The following CTNNA2 variants were observed in gnomAD, a reference collection of about 807,000 sequenced individuals.
CTNNA2 encodes catenin alpha 2.
Under a neutral mutation model 101.0 loss-of-function variants are expected in CTNNA2, and 42 were observed. The observed-to-expected ratio is 0.42, with a 90% CI of 0.32 to 0.54. The LOEUF is 0.54. Ranked by LOEUF, CTNNA2 falls within the 20% of genes least tolerant of loss-of-function variation. CTNNA2 has a pLI of 0.14. For synonymous variants in CTNNA2, 450 were observed against 456.4 expected, an observed-to-expected ratio of 0.99 and a Z score of 0.18; for missense variants, 871 against 1,223.1, an observed-to-expected ratio of 0.71 and a Z score of 4.29.
chr2:79,341,093 G>A (rs945092151), intron 3 of CTNNA2, among the ~76,000 whole-genome samples: 4 of 151,568 alleles, frequency 2.6e-5, no homozygotes, highest in East Asian at 1.9e-4. Context: ...TAATTCCATC[G>A]TATAGATGAG....
At chr2:79,796,547 G>A (rs1675717446) in intron 3 of CTNNA2, among the ~76,000 whole-genome samples, 1 of 152,088 alleles carries the variant, frequency 6.6e-6, no homozygotes, top group South Asian at 2.1e-4. Flanking sequence ...GACCACAAGC[G>A]GGGCATACAA....
intron 4 of CTNNA2, among the ~76,000 whole-genome samples, chr2:79,494,994 T>C (rs2104568135): frequency 6.6e-6 from 1 of 152,068 alleles, no homozygotes; most frequent in Non-Finnish European, 1.5e-5. Flanking sequence ...TCCCAGCTAC[T>C]TAGGAGGCTG....
intron 3 of CTNNA2, among the ~76,000 whole-genome samples, chr2:79,856,083 A>G (rs565159379): frequency 6.6e-6 from 1 of 152,358 alleles, no homozygotes; most frequent in Admixed American, 6.5e-5. Context: ...TTGTGCCACT[A>G]GAGTAGTGAA....
At chr2:79,422,650 C>T (rs1311987181) in intron 4 of CTNNA2, among the ~76,000 whole-genome samples, 1 of 152,124 alleles carries the variant, frequency 6.6e-6, no homozygotes, top group Non-Finnish European at 1.5e-5. Flanking sequence ...TGGAAATCAG[C>T]GCTTCTCAGA....
intron 7 of CTNNA2, among the ~76,000 whole-genome samples, chr2:80,094,189 A>G (rs377512429): frequency 9.2e-5 from 14 of 151,964 alleles, no homozygotes; most frequent in African/African-American, 2.7e-4. Context: ...TGTATAAGGT[A>G]TAAGGAAGGG....
intron 2 of CTNNA2, among the ~76,000 whole-genome samples, chr2:79,250,176 C>T (rs1199052510): frequency 6.6e-6 from 1 of 152,184 alleles, no homozygotes; most frequent in Non-Finnish European, 1.5e-5. Flanking sequence ...AGGTATGCTT[C>T]CACCCTGAGC....
intron 17 of CTNNA2, chr2:80,616,652 C>T (rs1347037792): frequency 1.3e-5 from 2 of 150,988 alleles, no homozygotes; most frequent in African/African-American, 4.9e-5. Flanking sequence ...TCTTAAAGGG[C>T]TACTTACCCA....
In CTNNA2 at chr2:80,146,710, GTTTTTTTTTTTTTTTTTT is replaced by G. The variant is rs34019123; in HGVS notation, c.1056+236928_1056+236945del. ...TTTCTGAAGTAGGAAGTCCCCTCTG[GTTTTTTTTTTTTTTTTTT>G]TTTTTTTTTTTTTTGAGACAGAGTC... On this transcript the variant is annotated intron_variant, in intron 7 of 18. Transcript: ENST00000402739. Among the ~76,000 whole-genome samples, 551 of 61,790 alleles carry G rather than the reference GTTTTTTTTTTTTTTTTTT, an allele frequency of 8.9e-3. 3 individuals are homozygous for G. The highest frequency in any genetic ancestry group is 0.028 in the African/African-American group (499 of 17,812). 40.5% of individuals were successfully genotyped at this position (61,790 alleles called of 152,430 possible).
At chr2:80,261,612 A>G (rs1255091400) in intron 7 of CTNNA2, among the ~76,000 whole-genome samples, 1 of 152,162 alleles carries the variant, frequency 6.6e-6, no homozygotes, top group Non-Finnish European at 1.5e-5. Context: ...TTCACTACCA[A>G]TATGGTCTGA....
intron 3 of CTNNA2, among the ~76,000 whole-genome samples, chr2:79,814,636 CACAT>C (rs950359500): frequency 2.5e-5 from 3 of 120,888 alleles, no homozygotes. Context: ...CACACACACA[CACAT>C]ATATATATAT....
chr2:80,281,985 A>AT (rs1242157155), intron 7 of CTNNA2, among the ~76,000 whole-genome samples: 1 of 151,984 alleles, frequency 6.6e-6, no homozygotes, highest in African/African-American at 2.4e-5. Context: ...TAGAACCTGC[A>AT]TGTTGATCCG....
intron 7 of CTNNA2, among the ~76,000 whole-genome samples, chr2:80,309,335 C>T (rs141213948): frequency 1.4e-4 from 22 of 152,244 alleles, no homozygotes; most frequent in South Asian, 4.1e-4. Flanking sequence ...TAACTGACTC[C>T]GAGGCCCCTG....
intron 12 of CTNNA2, among the ~76,000 whole-genome samples, chr2:80,565,066 GAGAT>G (rs1273468691): frequency 6.6e-6 from 1 of 152,202 alleles, no homozygotes; most frequent in African/African-American, 2.4e-5. Context: ...GTGTAAATAT[GAGAT>G]AGAAAGGAAA....
At chr2:79,494,786 G>A (rs1333641991) in intron 4 of CTNNA2, among the ~76,000 whole-genome samples, 2 of 151,790 alleles carry the variant, frequency 1.3e-5, no homozygotes, top group Non-Finnish European at 2.9e-5. Context: ...CAAGTGACAA[G>A]ACCAAAAAAA....
intron 1 of CTNNA2, among the ~76,000 whole-genome samples, chr2:79,630,938 G>A (rs1679648889): frequency 6.7e-6 from 1 of 150,076 alleles, no homozygotes. Flanking sequence ...AAAGTCTATA[G>A]TATATTTAGA....
intron 8 of CTNNA2, among the ~76,000 whole-genome samples, chr2:80,417,745 G>A (rs1680166286): frequency 6.6e-6 from 1 of 151,848 alleles, no homozygotes; most frequent in Non-Finnish European, 1.5e-5. Context: ...TATTTTATAA[G>A]CATATCTTTC....
At chr2:80,543,853 A>G (rs867470802) in intron 9 of CTNNA2, among the ~76,000 whole-genome samples, 3 of 152,200 alleles carry the variant, frequency 2.0e-5, no homozygotes, top group African/African-American at 7.2e-5. Context: ...GCAGGCGGCC[A>G]CAAGACTCCA....
intron 7 of CTNNA2, among the ~76,000 whole-genome samples, chr2:80,181,983 A>G (rs1450470431): frequency 6.6e-6 from 1 of 152,170 alleles, no homozygotes; most frequent in East Asian, 1.9e-4. Flanking sequence ...TCTTGGTGAC[A>G]ACATCTGTGT....
rs143504972 is a variant in CTNNA2, at chr2:79,557,309, T to C, written c.-6+44102T>C. ...TATGCATTTATTTTCTTGCTGTGTATTGTGTTAGTTGTACTTCATTTCAGA... is the reference window on the plus strand; with the variant it reads ...TATGCATTTATTTTCTTGCTGTGTACTGTGTTAGTTGTACTTCATTTCAGA... On this transcript the variant is annotated intron_variant, in intron 1 of 18. Coordinates refer to ENST00000402739, the MANE Select transcript of CTNNA2 (RefSeq NM_001282597.3). Among the ~76,000 whole-genome samples the C allele has an allele frequency of 1.9e-3, 295 of 152,078 alleles. 1 individual carries two copies. Among genetic ancestry groups the C allele is most frequent in the African/African-American group, 6.8e-3 (283 of 41,546 alleles).
Sources: allele counts gnomAD v4.1 joint callset (sites outside exome capture counted in the v4.1 genomes callset), GRCh38; gene constraint gnomAD v4.1.1; transcripts MANE v1.5; gene names NCBI Gene and HGNC (gene_info 2026-07-23, HGNC 2026-07-21).